The following AP3M1 variants were observed in gnomAD, a reference collection of about 807,000 sequenced individuals.
AP3M1 encodes the protein adaptor related protein complex 3 subunit mu 1, also known as AP-3 complex subunit mu-1.
A neutral mutation model predicts 42.6 loss-of-function variants in AP3M1; 29 were observed. That is an observed-to-expected ratio of 0.68 (90% confidence interval 0.51 to 0.93). The LOEUF (loss-of-function observed/expected upper bound fraction) is 0.93, where lower values mean the gene tolerates loss of function less well. AP3M1 is among the 40% of genes least tolerant of loss of function. The probability of loss-of-function intolerance (pLI) is 0.00; values close to 1 mark genes in which losing one functional copy is unlikely to be tolerated. For synonymous variants in AP3M1, 178 were observed against 175.3 expected, an observed-to-expected ratio of 1.02 and a Z score of -0.12; for missense variants, 416 against 510.2, an observed-to-expected ratio of 0.82 and a Z score of 1.78.
At chr10:74,139,130 G>A (rs1841043310) in intron 1 of AP3M1, among the ~76,000 whole-genome samples, 1 of 151,534 alleles carries the variant, frequency 6.6e-6, no homozygotes, top group South Asian at 2.1e-4. Flanking sequence ...TAAAACAAAA[G>A]GCTTCCAAAT....
intron 5 of AP3M1, 33 bp from the exon 6 acceptor site, chr10:74,129,274 A>T (rs552482927): frequency 1.2e-6 from 2 of 1,608,760 alleles, no homozygotes; most frequent in African/African-American, 2.7e-5. Flanking sequence ...TCGTTCATAG[A>T]CTATAATGAA....
intron 1 of AP3M1, among the ~76,000 whole-genome samples, chr10:74,139,238 G>C (rs1224411542): frequency 6.6e-6 from 1 of 151,872 alleles, no homozygotes; most frequent in Non-Finnish European, 1.5e-5. Context: ...ACCTATTAGA[G>C]CTAATAAATT....
chr10:74,131,553 T>C (rs1413516980), intron 4 of AP3M1, among the ~76,000 whole-genome samples: 1 of 151,692 alleles, frequency 6.6e-6, no homozygotes, highest in African/African-American at 2.4e-5. Context: ...GAAAGATATC[T>C]CTTTTTTTTT....
chr10:74,129,128 T>G lies in AP3M1; in HGVS notation c.783A>C (p.Ser261=). The change falls in exon 6 of 9, where the codon TCA becomes TCC. Residue 261 remains serine (S), a synonymous_variant. Transcript: ENST00000355264. ...CATACTTTTGTGAGCTGACACGGTA[T>G]GATATGAGTCGGAAATTTCCATCTG... ...IPPDGNFRLI[S]YRVSSQNLVA... 2 of 1,614,112 alleles carry G rather than the reference T, an allele frequency of 1.2e-6. No individual in the cohort carries two copies. The highest frequency in any genetic ancestry group is 1.7e-6 in the Non-Finnish European group (2 of 1,180,008).
At chr10:74,148,955 C>T (rs1230327624) in intron 1 of AP3M1, among the ~76,000 whole-genome samples, 1 of 151,880 alleles carries the variant, frequency 6.6e-6, no homozygotes, top group Admixed American at 6.6e-5. Context: ...TTACCACAAC[C>T]TCCGCTTCCT....
rs148191205 is a variant in AP3M1, at chr10:74,136,765, A to C, written c.312T>G (p.Asp104Glu). 923 of 1,552,348 alleles carry C rather than the reference A, an allele frequency of 5.9e-4. 1 individual carries two copies. Among genetic ancestry groups the C allele is most frequent in the Non-Finnish European group, 7.6e-4 (859 of 1,135,612 alleles). The change falls in exon 3 of 9, where the codon GAT becomes GAG. Residue 104 changes from aspartate (D) to glutamate (E), a missense_variant. Transcript: ENST00000355264. ...AGAGTTCATATACTATGACCACATT[A>C]TCCTTAATTGCAGCCTCTGAACACT... ...FGECSEAAIK[D>E]NVVIVYELLE...
At chr10:74,125,935 A>G (rs1840600343) in intron 7 of AP3M1, among the ~76,000 whole-genome samples, 1 of 152,210 alleles carries the variant, frequency 6.6e-6, no homozygotes, top group Non-Finnish European at 1.5e-5. Context: ...CTGAAAAAGG[A>G]CAGAATGACA....
rs1279174158 is a variant in AP3M1 at position 74,136,758 on chromosome 10, C to T, written c.319G>A (p.Val107Ile). Reference protein sequence around the residue: ...CSEAAIKDNVVIVYELLEEML... With the variant: ...CSEAAIKDNVIIVYELLEEML... ...TCTTCTAAGAGTTCATATACTATGA[C>T]CACATTATCCTTAATTGCAGCCTCT... The change falls in exon 3 of 9, where the codon GTC becomes ATC. Residue 107 changes from valine to isoleucine, a missense_variant. Coordinates refer to ENST00000355264, the MANE Select transcript of AP3M1 (RefSeq NM_012095.6). 9 of 1,559,086 alleles carry T rather than the reference C, an allele frequency of 5.8e-6. No individual in the cohort carries two copies. The highest frequency in any genetic ancestry group is 7.9e-6 in the Non-Finnish European group (9 of 1,140,242).
intron 6 of AP3M1, among the ~76,000 whole-genome samples, chr10:74,127,782 A>G (rs1043753534): frequency 6.6e-5 from 10 of 152,102 alleles, no homozygotes; most frequent in Non-Finnish European, 1.5e-4. Context: ...TTTTATATAA[A>G]TGAAAACAGT....
Position 74,137,284 on chromosome 10 carries a change from A to C in AP3M1, c.274-481T>G, listed in dbSNP as rs115545326. Among the ~76,000 whole-genome samples, 695 of 152,040 alleles carry C rather than the reference A, an allele frequency of 4.6e-3. 6 individuals carry two copies. Among genetic ancestry groups the C allele is most frequent in the African/African-American group, 0.015 (634 of 41,462 alleles). ...AAAACAAAACAAGCAAACAAAAAAA[A>C]CCCCTCTATAGTCCTAATATTATTC... On this transcript the variant is annotated intron_variant, in intron 2 of 8. Coordinates refer to ENST00000355264, the MANE Select transcript of AP3M1 (RefSeq NM_012095.6).
intron 6 of AP3M1, among the ~76,000 whole-genome samples, chr10:74,127,287 G>A (rs909929998): frequency 1.3e-5 from 2 of 152,044 alleles, no homozygotes; most frequent in Admixed American, 1.3e-4. Context: ...TAATGTTCTT[G>A]TACCACTGTG....
At chr10:74,133,709 C>T (rs572624626) in intron 4 of AP3M1, among the ~76,000 whole-genome samples, 302 of 149,626 alleles carry the variant, frequency 2.0e-3, no homozygotes, top group Middle Eastern at 0.01. Context: ...GGCTGGAGTG[C>T]AATGGCATGA....
In AP3M1 at chr10:74,129,986, G is replaced by A; in HGVS notation, c.590C>T (p.Thr197Ile). The A allele has an allele frequency of 6.3e-7, 1 of 1,583,366 alleles. No homozygotes were observed. ...IDAIIDKSGS[T>I]VFAEIQGVID... ...GACCCCCTGAATTTCTGCAAAGACT[G>A]TAGATCCTGAAGAAAGAAAAAAAAA... Residue 197 changes from threonine to isoleucine, a missense_variant, in exon 5 of 9, where the codon ACA becomes ATA. Coordinates refer to ENST00000355264, the MANE Select transcript of AP3M1 (RefSeq NM_012095.6).
In AP3M1 at chr10:74,138,158, C is replaced by T. The variant is rs755230161; in HGVS notation, c.222G>A (p.Val74=). The T allele has an allele frequency of 3.7e-6, 6 of 1,614,102 alleles. No individual in the cohort carries two copies. Among genetic ancestry groups the T allele is most frequent in the African/African-American group, 2.7e-5 (2 of 75,014 alleles). The change falls in exon 2 of 9, where the codon GTG becomes GTA. Residue 74 remains valine, a synonymous_variant. Coordinates refer to ENST00000355264, the MANE Select transcript of AP3M1 (RefSeq NM_012095.6). ...LFFVSVIQTE[V]PPLFVIEFLH... The stretch of plus-strand genomic sequence containing the variant: ...GGAACTCAATTACAAAGAGAGGTGG[C>T]ACTTCGGTCTGTATGACAGATACAA...
intron 5 of AP3M1, 93 bp from the exon 6 acceptor site, chr10:74,129,334 AGCAGTC>A: frequency 7.4e-7 from 1 of 1,348,554 alleles, no homozygotes; most frequent in Non-Finnish European, 1.0e-6. Flanking sequence ...CTGAAGATAA[AGCAGTC>A]ATGGAAGAGT....
chr10:74,138,312 A>G lies in AP3M1; in HGVS notation c.68T>C (p.Val23Ala). 6.2e-7 allele frequency: 1 copy of G among 1,614,142 alleles called. No homozygotes were observed. The highest frequency in any genetic ancestry group is 1.1e-5 in the South Asian group (1 of 91,088). Residue 23 changes from valine to alanine, a missense_variant, in exon 2 of 9, where the codon GTT becomes GCT. Val to Ala is a moderately conservative substitution (Grantham distance 64, BLOSUM62 0). Transcript: ENST00000355264. ...DIFLEKHWKS[V>A]VSQSVCDYFF... ...ATAATCACAGACAGACTGGCTCACA[A>G]CGCTCTTCCAGTGCTTCTCTAGAAA...
chr10:74,126,812 A>C (rs1179645309), intron 6 of AP3M1, among the ~76,000 whole-genome samples: 1 of 151,210 alleles, frequency 6.6e-6, no homozygotes, highest in African/African-American at 2.4e-5. Flanking sequence ...CTCTACTAAA[A>C]ATACAAAAAT....
At chr10:74,134,258 T>G in intron 3 of AP3M1, 94 bp from the exon 4 acceptor site, 1 of 1,346,714 alleles carries the variant, frequency 7.4e-7, no homozygotes, top group Non-Finnish European at 1.0e-6. Context: ...CTTCAATGTT[T>G]GGATTTTTCT....
In AP3M1 at chr10:74,122,380, T is replaced by C. The variant is rs1043455203; in HGVS notation, c.*1430A>G. On this transcript the variant is annotated 3_prime_UTR_variant, in exon 9 of 9. Coordinates refer to ENST00000355264, the MANE Select transcript of AP3M1 (RefSeq NM_012095.6). ...AAGAAGAATGGAGCCACAAAGAGAA[T>C]AGCATAAATAACAAGAAGGAAACAT... 2 of 152,108 alleles carry C rather than the reference T, an allele frequency of 1.3e-5. No individual in the cohort carries two copies. Among genetic ancestry groups the C allele is most frequent in the African/African-American group, 4.8e-5 (2 of 41,392 alleles). The allele number at this position is 152,108 out of a possible 1,614,324, so 9.4% of individuals were successfully genotyped here. A position where few individuals can be genotyped will look rare whatever the true frequency, so the allele number is the denominator to read the frequency against.
Sources: allele counts gnomAD v4.1 joint callset (sites outside exome capture counted in the v4.1 genomes callset), GRCh38; gene constraint gnomAD v4.1.1; transcripts MANE v1.5; gene names NCBI Gene and HGNC (gene_info 2026-07-23, HGNC 2026-07-21).